Variants in VPS54 observed in about 807,000 individuals in gnomAD.
VPS54 encodes vacuolar protein sorting-associated protein 54.
In VPS54, 45 loss-of-function variants were observed where a neutral mutation model predicts 121.5. The observed-to-expected ratio is 0.37, with a 90% CI of 0.29 to 0.47. The LOEUF (loss-of-function observed/expected upper bound fraction) is 0.47, where lower values mean the gene tolerates loss of function less well. VPS54 is among the 20% of genes least tolerant of loss of function. The pLI, the probability that VPS54 is intolerant of heterozygous loss-of-function variation, is 0.99. For missense variants in VPS54, 1,090 were observed against 1,131.4 expected (o/e 0.96, Z 0.52); for synonymous variants, 371 against 385.8 (o/e 0.96, Z 0.45).
At chr2:63,907,932 G>T (rs1047590801) in intron 20 of VPS54, among the ~76,000 whole-genome samples, 1 of 152,114 alleles carries the variant, frequency 6.6e-6, no homozygotes, top group African/African-American at 2.4e-5. Context: ...AGAGCACCTG[G>T]AACTCTTCTA....
At chr2:63,961,401 T>G (rs1005226799) in intron 7 of VPS54, among the ~76,000 whole-genome samples, 6 of 152,198 alleles carry the variant, frequency 3.9e-5, no homozygotes, top group Admixed American at 2.0e-4. Flanking sequence ...CCATAAAACT[T>G]TATAGTCACT....
chr2:63,954,293 TAATTC>T (rs781492507), intron 7 of VPS54, among the ~76,000 whole-genome samples: 5 of 152,136 alleles, frequency 3.3e-5, no homozygotes, highest in African/African-American at 4.8e-5. Context: ...CTACAAATGA[TAATTC>T]AATTTGAACA....
intron 1 of VPS54, among the ~76,000 whole-genome samples, chr2:63,998,515 T>C (rs1288062752): frequency 6.6e-6 from 1 of 152,140 alleles, no homozygotes; most frequent in Non-Finnish European, 1.5e-5. Context: ...AGGTGATTTT[T>C]TTCTGGTGTT....
chr2:64,002,013 C>T (rs1677905455), intron 1 of VPS54, among the ~76,000 whole-genome samples: 1 of 152,222 alleles, frequency 6.6e-6, no homozygotes, highest in Admixed American at 6.5e-5. Flanking sequence ...TGCCAGAACT[C>T]AAGTTCCAAC....
intron 3 of VPS54, 105 bp downstream of exon 3, chr2:63,981,541 C>T: frequency 7.8e-7 from 1 of 1,288,820 alleles, no homozygotes; most frequent in Non-Finnish European, 1.1e-6. Context: ...GAAAAGAATA[C>T]TATAGGTTCA....
Position 63,944,653 on chromosome 2 carries a change from A to C in VPS54, c.1248T>G (p.Cys416Trp). 2 of 1,607,176 alleles carry C rather than the reference A, an allele frequency of 1.2e-6. No individual in the cohort carries two copies. The highest frequency in any genetic ancestry group is 1.7e-6 in the Non-Finnish European group (2 of 1,177,544). ...CTGTTTGTGAAACTTTATTAATCAC[A>C]CACTGCAAAATTTAAGAAAAAACAA... The part of the protein sequence containing the change: ...VITAKNIIKQ[C>W]VINKVSQTEE... The change falls in exon 10 of 23, where the codon TGT becomes TGG. Residue 416 changes from cysteine to tryptophan, a missense_variant and splice_region_variant. Cys to Trp is a radical substitution (Grantham distance 215). Coordinates refer to ENST00000272322, the MANE Select transcript of VPS54 (RefSeq NM_016516.3).
intron 22 of VPS54, among the ~76,000 whole-genome samples, chr2:63,896,055 T>A (rs527756091): frequency 6.6e-6 from 1 of 152,248 alleles, no homozygotes; most frequent in Admixed American, 6.5e-5. Context: ...AAGAGTCTCC[T>A]AAGTTTCTAA....
rs34858643 is a variant in VPS54, at chr2:63,943,727, C to CTTTCTT, written c.1301+872_1301+873insAAGAAA. ...TTTTCTTTTCTTTCTTTCTTTCTTT[C>CTTTCTT]TTTTTTTTTTTTTTTGAGACAGGCT... On this transcript the variant is annotated intron_variant, in intron 10 of 22. Coordinates refer to ENST00000272322, the MANE Select transcript of VPS54 (RefSeq NM_016516.3). Among the ~76,000 whole-genome samples the CTTTCTT allele has an allele frequency of 4.6e-3, 591 of 129,570 alleles. 8 individuals carry two copies. Among genetic ancestry groups the CTTTCTT allele is most frequent in the African/African-American group, 0.011 (371 of 33,390 alleles). 85.0% of individuals were successfully genotyped at this position (129,570 alleles called of 152,430 possible).
chr2:63,995,906 C>A (rs1677562755), intron 1 of VPS54, among the ~76,000 whole-genome samples: 1 of 152,182 alleles, frequency 6.6e-6, no homozygotes, highest in Non-Finnish European at 1.5e-5. Context: ...ATCCATTGTG[C>A]CTGGAGCTGA....
intron 1 of VPS54, among the ~76,000 whole-genome samples, chr2:63,992,806 T>C (rs892762854): frequency 2.0e-5 from 3 of 152,232 alleles, no homozygotes; most frequent in African/African-American, 7.2e-5. Flanking sequence ...TGGCCTCTCA[T>C]AGTTATTGAT....
chr2:63,901,776 G>C (rs915719441), intron 20 of VPS54, among the ~76,000 whole-genome samples: 2 of 152,142 alleles, frequency 1.3e-5, no homozygotes, highest in African/African-American at 4.8e-5. Flanking sequence ...AGCACTTTGG[G>C]AGACCAAGGA....
At chr2:64,000,557 T>G (rs1009315664) in intron 1 of VPS54, among the ~76,000 whole-genome samples, 11 of 152,238 alleles carry the variant, frequency 7.2e-5, no homozygotes, top group African/African-American at 2.4e-4. Context: ...CTCTAATGGA[T>G]TTGGGTGTTG....
Position 63,899,583 on chromosome 2 carries a change from T to C in VPS54, c.2626-2A>G. The stretch of plus-strand genomic sequence containing the variant: ...AGGAACAGGAGCCTTCACTTCATAC[T>C]GGTAGGAAAAAATAATGAGAATTAT... On this transcript the variant is annotated splice_acceptor_variant, in intron 20 of 22. Transcript: ENST00000272322. LOFTEE classifies it high-confidence loss of function. 2 of 1,610,672 alleles carry C rather than the reference T, an allele frequency of 1.2e-6. No individual in the cohort carries two copies. The highest frequency in any genetic ancestry group is 1.7e-6 in the Non-Finnish European group (2 of 1,178,168).
intron 1 of VPS54, among the ~76,000 whole-genome samples, chr2:63,989,109 G>A (rs1438888229): frequency 6.6e-6 from 1 of 152,116 alleles, no homozygotes; most frequent in Non-Finnish European, 1.5e-5. Context: ...AGGCTTATTA[G>A]GATTAGGAAA....
intron 1 of VPS54, among the ~76,000 whole-genome samples, chr2:64,003,405 C>A (rs1677975872): frequency 1.3e-5 from 2 of 152,262 alleles, no homozygotes; most frequent in Middle Eastern, 3.4e-3. Flanking sequence ...TTGAAGCTTT[C>A]TTTGGTTTCT....
intron 5 of VPS54, among the ~76,000 whole-genome samples, 198 bp from the exon 6 acceptor site, chr2:63,966,164 T>C (rs947103639): frequency 1.3e-5 from 2 of 152,180 alleles, no homozygotes; most frequent in Non-Finnish European, 2.9e-5. Context: ...AAAATACTCA[T>C]AAAAGATACA....
chr2:63,914,837 C>T (rs1673305736), intron 16 of VPS54, among the ~76,000 whole-genome samples: 1 of 151,644 alleles, frequency 6.6e-6, no homozygotes, highest in Admixed American at 6.6e-5. Context: ...ATTGGTAGGT[C>T]ACAAAAGGTT....
intron 3 of VPS54, among the ~76,000 whole-genome samples, chr2:63,974,389 C>T (rs1559032592): frequency 6.6e-6 from 1 of 152,174 alleles, no homozygotes; most frequent in South Asian, 2.1e-4. Flanking sequence ...TATCAGTCCT[C>T]CAGCTTTGTT....
chr2:63,902,948 A>G (rs995305770), intron 20 of VPS54, among the ~76,000 whole-genome samples: 5 of 152,216 alleles, frequency 3.3e-5, no homozygotes, highest in Non-Finnish European at 7.3e-5. Flanking sequence ...AGCCTGGGCG[A>G]AAGAGTGAGA....
Sources: allele counts gnomAD v4.1 joint callset (sites outside exome capture counted in the v4.1 genomes callset), GRCh38; gene constraint gnomAD v4.1.1; transcripts MANE v1.5; gene names NCBI Gene and HGNC (gene_info 2026-07-23, HGNC 2026-07-21).